PXK: variants seen among roughly 807,000 people sequenced by gnomAD.
The protein encoded by PXK is PX domain-containing protein kinase-like protein.
A neutral mutation model predicts 84.7 loss-of-function variants in PXK; 35 were observed. That is an observed-to-expected ratio of 0.41 (90% confidence interval 0.32 to 0.55). The LOEUF (loss-of-function observed/expected upper bound fraction) is 0.55. Ranked by LOEUF, PXK falls within the 20% of genes least tolerant of loss-of-function variation. The pLI, the probability that PXK is intolerant of heterozygous loss-of-function variation, is 0.21. For synonymous variants in PXK, 253 were observed against 260.8 expected, an observed-to-expected ratio of 0.97 and a Z score of 0.29; for missense variants, 634 against 699.7, an observed-to-expected ratio of 0.91 and a Z score of 1.06.
chr3:58,386,627 A>G (rs979681126), intron 4 of PXK, among the ~76,000 whole-genome samples: 4 of 152,030 alleles, frequency 2.6e-5, no homozygotes, highest in Non-Finnish European at 4.4e-5. Flanking sequence ...AGGTACTTCT[A>G]TCATTTAAAA....
intron 1 of PXK, among the ~76,000 whole-genome samples, chr3:58,349,909 AG>A (rs1215162543): frequency 8.5e-5 from 13 of 152,182 alleles, no homozygotes; most frequent in Non-Finnish European, 1.8e-4. Context: ...AGAACCTGCT[AG>A]CCCTGCAGCC....
Position 58,400,709 on chromosome 3 carries a change from A to C in PXK, c.1181+1332A>C, listed in dbSNP as rs530664577. ...GTGGATCACTTGAGGTCAGGAGTTC[A>C]AGACCATCCTGGCCAACGTGTGGTG... On this transcript the variant is annotated intron_variant, in intron 12 of 17. Coordinates refer to ENST00000356151, the MANE Select transcript of PXK (RefSeq NM_017771.5). The surrounding 1 kb of genome is among the most constrained non-coding windows in gnomAD (Gnocchi z 4.0). Among the ~76,000 whole-genome samples the C allele has an allele frequency of 5.9e-5, 9 of 152,270 alleles. No individual in the cohort carries two copies. Among genetic ancestry groups the C allele is most frequent in the Admixed American group, 2.0e-4 (3 of 15,298 alleles).
At position 58,409,702 on chromosome 3, in the gene PXK, T is replaced by C. The variant is rs1332592764; in HGVS notation, c.1395+84T>C. 4.6e-6 allele frequency: 5 copies of C among 1,085,056 alleles called. No individual in the cohort carries two copies. Among genetic ancestry groups the C allele is most frequent in the Middle Eastern group, 2.0e-4 (1 of 4,942 alleles). The allele number at this position is 1,085,056 out of a possible 1,614,324, so 67.2% of individuals were successfully genotyped here. On this transcript the variant is annotated intron_variant, in intron 15 of 17. Transcript: ENST00000356151. This position sits in a 1 kb window ranked among gnomAD's most constrained non-coding sequence, Gnocchi z 4.2. Reference sequence around the variant, plus strand: ...TTCTAGGTTAATGGTGCCCATTTAATGACAGATGCTGTGCTATATCTCCTT... The same window carrying C: ...TTCTAGGTTAATGGTGCCCATTTAACGACAGATGCTGTGCTATATCTCCTT...
chr3:58,344,685 A>G (rs1453128548), intron 1 of PXK, among the ~76,000 whole-genome samples: 2 of 152,190 alleles, frequency 1.3e-5, no homozygotes, highest in East Asian at 3.8e-4. Context: ...ATAATTAGCC[A>G]GTTATGGTGG....
At position 58,372,073 on chromosome 3, in the gene PXK, G is replaced by C. The variant is rs578224863; in HGVS notation, c.201+2595G>C. Among the ~76,000 whole-genome samples, 12 of 151,952 alleles carry C rather than the reference G, an allele frequency of 7.9e-5. No homozygotes were observed. The East Asian group carries it at 2.3e-3, about 29-fold the overall frequency. The stretch of plus-strand genomic sequence containing the variant: ...TTGGACACATGTCTGAGTCCAATAG[G>C]AACATGTCTAAGTGAAAAAAAAGCA... On this transcript the variant is annotated intron_variant, in intron 3 of 17. Coordinates refer to ENST00000356151, the MANE Select transcript of PXK (RefSeq NM_017771.5).
chr3:58,359,314 G>A (rs755630024), intron 1 of PXK, among the ~76,000 whole-genome samples: 2 of 151,762 alleles, frequency 1.3e-5, no homozygotes, highest in African/African-American at 2.4e-5. Context: ...GGCAGATCAC[G>A]AGGTCAGGAG....
intron 1 of PXK, among the ~76,000 whole-genome samples, chr3:58,340,135 T>TG (rs1231284097): frequency 1.3e-5 from 2 of 149,018 alleles, no homozygotes; most frequent in African/African-American, 5.1e-5. Context: ...TTTTTTTTTT[T>TG]TTTAAGACAG....
At position 58,362,429 on chromosome 3, in the gene PXK, A is replaced by G. The variant is rs145550922; in HGVS notation, c.103-3445A>G. On this transcript the variant is annotated intron_variant, in intron 1 of 17. Transcript: ENST00000356151. ...GGTTCATTTCATTGCTGAGTGTCCA[A>G]TTGCTCTGACACGTGAAAGTAATAC... Among the ~76,000 whole-genome samples, 48 of 152,286 alleles carry G rather than the reference A, an allele frequency of 3.2e-4. 1 individual carries two copies. The highest frequency in any genetic ancestry group is 2.5e-4 in the Non-Finnish European group (17 of 68,014).
At chr3:58,380,228 G>A (rs1408725372) in intron 3 of PXK, among the ~76,000 whole-genome samples, 1 of 151,652 alleles carries the variant, frequency 6.6e-6, no homozygotes, top group East Asian at 1.9e-4. Context: ...TCATAGAGAA[G>A]ATCCTGAAAG....
rs959909209 is a variant in PXK, at chr3:58,397,482, C to T, written c.985-123C>T. On this transcript the variant is annotated intron_variant, in intron 10 of 17. Coordinates refer to ENST00000356151, the MANE Select transcript of PXK (RefSeq NM_017771.5). The surrounding 1 kb of genome is among the most constrained non-coding windows in gnomAD (Gnocchi z 4.7). ...ACAGAAGGCTTTGGAGTTGCATTTA[C>T]GTTACCAATTAGGAACGGGGCTATC... is the stretch of plus-strand genomic sequence containing the variant. The T allele has an allele frequency of 1.9e-5, 17 of 898,034 alleles. No homozygotes were observed. The highest frequency in any genetic ancestry group is 2.7e-5 in the Non-Finnish European group (15 of 551,332). The allele number at this position is 898,034 out of a possible 1,614,324, so 55.6% of individuals were successfully genotyped here.
intron 17 of PXK, among the ~76,000 whole-genome samples, chr3:58,415,903 G>A (rs546572143): frequency 6.6e-6 from 1 of 152,332 alleles, no homozygotes; most frequent in South Asian, 2.1e-4. Context: ...AAAAGGGCGG[G>A]ACATCTTGGG....
chr3:58,339,458 GACC>G (rs1353981043), intron 1 of PXK, among the ~76,000 whole-genome samples: 2 of 151,940 alleles, frequency 1.3e-5, no homozygotes, highest in Non-Finnish European at 2.9e-5. Flanking sequence ...TTGAACTCCT[GACC>G]TCAAGTGATC....
chr3:58,336,065 ATATATATTTTTT>A (rs1432723318), intron 1 of PXK, among the ~76,000 whole-genome samples: 4 of 57,156 alleles, frequency 7.0e-5, no homozygotes, highest in South Asian at 4.9e-4. Context: ...ATATATATAT[ATATATATTTTTT>A]TTTTTTTTTT....
At position 58,397,397 on chromosome 3, in the gene PXK, C is replaced by T. The variant is rs550329766; in HGVS notation, c.984+197C>T. ...GGTGGGGTAAGGAGGGAGGTGGACT[C>T]ACTGATTGGAAAACTGTGGAGGGTC... On this transcript the variant is annotated intron_variant, in intron 10 of 17. Transcript: ENST00000356151. This position sits in a 1 kb window ranked among gnomAD's most constrained non-coding sequence, Gnocchi z 4.7. Among the ~76,000 whole-genome samples the T allele has an allele frequency of 2.0e-5, 3 of 152,054 alleles. No individual in the cohort carries two copies. Among genetic ancestry groups the T allele is most frequent in the Non-Finnish European group, 4.4e-5 (3 of 68,026 alleles).
chr3:58,410,874 G>A (rs1182968963), intron 16 of PXK, among the ~76,000 whole-genome samples: 1 of 152,202 alleles, frequency 6.6e-6, no homozygotes, highest in African/African-American at 2.4e-5. Flanking sequence ...GAGATTTTGG[G>A]GTTGAGGAAT....
At chr3:58,420,951 G>T in intron 17 of PXK, 1 of 1,057,872 alleles carries the variant, frequency 9.5e-7, no homozygotes, top group Middle Eastern at 4.6e-4. Flanking sequence ...AAGAGTGTTA[G>T]GCACTTGAGC....
At position 58,362,793 on chromosome 3, in the gene PXK, A is replaced by T. The variant is rs116675178; in HGVS notation, c.103-3081A>T. Among the ~76,000 whole-genome samples, 847 of 152,222 alleles carry T rather than the reference A, an allele frequency of 5.6e-3. 9 individuals carry two copies. Among genetic ancestry groups the T allele is most frequent in the African/African-American group, 0.019 (809 of 41,520 alleles). On this transcript the variant is annotated intron_variant, in intron 1 of 17. Transcript: ENST00000356151. ...CAGTGGCATGATCTTGGCTCACTGC[A>T]GCTTCAGCCTCCCAGGCTCAAGCAA...
chr3:58,378,432 C>T (rs2098461987), intron 3 of PXK, among the ~76,000 whole-genome samples: 1 of 150,836 alleles, frequency 6.6e-6, no homozygotes, highest in Non-Finnish European at 1.5e-5. Context: ...CAGACTCCTA[C>T]AGGACTCATT....
At chr3:58,367,154 AC>A (rs1248438618) in intron 2 of PXK, among the ~76,000 whole-genome samples, 3 of 152,140 alleles carry the variant, frequency 2.0e-5, no homozygotes, top group African/African-American at 7.2e-5. Flanking sequence ...GAGGTGTGAT[AC>A]CTTTCTTCAC....
Sources: allele counts gnomAD v4.1 joint callset (sites outside exome capture counted in the v4.1 genomes callset), GRCh38; gene constraint gnomAD v4.1.1; non-coding constraint Gnocchi (gnomAD v3.1); transcripts MANE v1.5; gene names NCBI Gene and HGNC (gene_info 2026-07-23, HGNC 2026-07-21).